Variants in COL14A1 observed in about 807,000 individuals in gnomAD.
COL14A1 encodes the protein collagen type XIV alpha 1 chain.
In COL14A1, 136 loss-of-function variants were observed where a neutral mutation model predicts 230.3. The ratio of observed to expected loss-of-function variants is 0.59; its 90% CI spans 0.51 to 0.68. The LOEUF (loss-of-function observed/expected upper bound fraction) is 0.68. Among genes scored for constraint, COL14A1 ranks in the 30% least tolerant of loss-of-function variants. The pLI is 0.00. For synonymous variants in COL14A1, 792 were observed against 784.1 expected (o/e 1.01, Z -0.17); for missense variants, 1,976 against 2,215.8 (o/e 0.89, Z 2.17).
At chr8:120,234,891 C>A (rs1042588510) in intron 19 of COL14A1, among the ~76,000 whole-genome samples, 5 of 152,142 alleles carry the variant, frequency 3.3e-5, no homozygotes, top group Non-Finnish European at 5.9e-5. Context: ...AGGAATGGTA[C>A]CAGCTCCTCT....
At chr8:120,172,149 G>GTTTA (rs747003751) in intron 5 of COL14A1, among the ~76,000 whole-genome samples, 1 of 151,642 alleles carries the variant, frequency 6.6e-6, no homozygotes, top group Non-Finnish European at 1.5e-5. Context: ...AAATTCTTTT[G>GTTTA]TTTGTTTGTT....
intron 11 of COL14A1, 35 bp downstream of exon 11, chr8:120,208,396 T>G (rs1380373732): frequency 1.9e-6 from 3 of 1,600,550 alleles, no homozygotes; most frequent in Non-Finnish European, 2.6e-6. Flanking sequence ...TCTAACTTTG[T>G]AGAGTGCTGC....
At chr8:120,219,475 C>T (rs960914253) in intron 14 of COL14A1, among the ~76,000 whole-genome samples, 13 of 152,158 alleles carry the variant, frequency 8.5e-5, no homozygotes, top group Non-Finnish European at 2.9e-5. Context: ...ATCAAGGCAC[C>T]TGCACCTGAA....
intron 2 of COL14A1, among the ~76,000 whole-genome samples, chr8:120,157,060 C>G (rs1348844687): frequency 6.6e-6 from 1 of 152,120 alleles, no homozygotes; most frequent in African/African-American, 2.4e-5. Flanking sequence ...ACGTTCTTAG[C>G]TTTTTTGAAA....
chr8:120,309,436 T>C (rs566778310), intron 36 of COL14A1, among the ~76,000 whole-genome samples: 1 of 152,248 alleles, frequency 6.6e-6, no homozygotes, highest in Non-Finnish European at 1.5e-5. Flanking sequence ...TATATACACA[T>C]ATATATACAT....
intron 21 of COL14A1, among the ~76,000 whole-genome samples, chr8:120,250,035 C>G (rs1401226304): frequency 6.6e-6 from 1 of 151,920 alleles, no homozygotes. Flanking sequence ...ATTAAAGACC[C>G]CACTAGATTG....
chr8:120,153,341 C>T (rs1392594847), intron 2 of COL14A1, among the ~76,000 whole-genome samples: 8 of 152,114 alleles, frequency 5.3e-5, no homozygotes, highest in Non-Finnish European at 1.0e-4. Context: ...TGCAACCACA[C>T]TCAACTGATT....
At chr8:120,189,266 T>C (rs987957546) in intron 5 of COL14A1, among the ~76,000 whole-genome samples, 48 of 152,176 alleles carry the variant, frequency 3.2e-4, no homozygotes, top group African/African-American at 1.1e-3. Context: ...AAATAGCCAT[T>C]AGGGTTCATT....
At chr8:120,291,682 C>T (rs1316930546) in intron 34 of COL14A1, among the ~76,000 whole-genome samples, 1 of 150,854 alleles carries the variant, frequency 6.6e-6, no homozygotes, top group African/African-American at 2.4e-5. Context: ...TTAGAAATAA[C>T]GAATATAAAA....
chr8:120,219,595 A>T (rs1156644591), intron 14 of COL14A1, among the ~76,000 whole-genome samples: 1 of 152,118 alleles, frequency 6.6e-6, no homozygotes, highest in Non-Finnish European at 1.5e-5. Context: ...ATCCCTCATG[A>T]CCTAATCATT....
intron 11 of COL14A1, among the ~76,000 whole-genome samples, chr8:120,208,621 TC>T (rs1222945558): frequency 6.6e-6 from 1 of 152,196 alleles, no homozygotes; most frequent in Non-Finnish European, 1.5e-5. Context: ...CAAAAAACAT[TC>T]ATTCATTTAT....
At chr8:120,238,661 A>G (rs966723689) in intron 19 of COL14A1, among the ~76,000 whole-genome samples, 1 of 152,102 alleles carries the variant, frequency 6.6e-6, no homozygotes, top group Non-Finnish European at 1.5e-5. Context: ...GTATGAAAAT[A>G]AACTCTTGCA....
chr8:120,168,532 T>C (rs1414874965), intron 5 of COL14A1, among the ~76,000 whole-genome samples: 6 of 152,208 alleles, frequency 3.9e-5, no homozygotes, highest in Non-Finnish European at 8.8e-5. Flanking sequence ...ACATGCCAAT[T>C]CATATAGGAG....
rs75343954 is a variant in COL14A1, at chr8:120,356,239, G to A, written c.5077+10676G>A. On this transcript the variant is annotated intron_variant, in intron 45 of 47. Coordinates refer to ENST00000297848, the MANE Select transcript of COL14A1 (RefSeq NM_021110.4). ...TCAATTGCTAAGCATGTTATGTGAT[G>A]CTCATAAAAATCTTATGAGATCAGG... Among the ~76,000 whole-genome samples, 23 of 152,354 alleles carry A rather than the reference G, an allele frequency of 1.5e-4. No individual in the cohort carries two copies. The East Asian group carries it at 4.1e-3, about 27-fold the overall frequency.
chr8:120,168,226 A>G lies in COL14A1; in HGVS notation c.415A>G (p.Ser139Gly). The G allele has an allele frequency of 6.8e-6, 11 of 1,611,528 alleles. No individual in the cohort carries two copies. Among genetic ancestry groups the G allele is most frequent in the Non-Finnish European group, 9.3e-6 (11 of 1,178,606 alleles). Residue 139 changes from serine (S) to glycine (G), a missense_variant, in exon 5 of 48, where the codon AGT becomes GGT. Ser to Gly is a moderately conservative substitution (Grantham distance 56, BLOSUM62 0). This residue lies in a region of COL14A1 where 181 missense variants were observed against 178.6 expected (regional missense o/e 1.01). Coordinates refer to ENST00000297848, the MANE Select transcript of COL14A1 (RefSeq NM_021110.4). ...CAAAGTTGTGGACAGAGGAAATGGGAGTAGACCATCTTCACCAGAAGGTCA... is the reference window on the plus strand; with the variant it reads ...CAAAGTTGTGGACAGAGGAAATGGGGGTAGACCATCTTCACCAGAAGGTCA... ...RVKVVDRGNG[S>G]RPSSPEEVKF...
intron 21 of COL14A1, among the ~76,000 whole-genome samples, chr8:120,248,901 A>G (rs1490940218): frequency 1.5e-5 from 2 of 134,982 alleles, no homozygotes; most frequent in Admixed American, 1.5e-4. Context: ...CAAAAACTCC[A>G]TTAGTTTCAA....
intron 37 of COL14A1, among the ~76,000 whole-genome samples, chr8:120,312,994 A>G (rs1420396210): frequency 2.6e-5 from 4 of 152,226 alleles, no homozygotes; most frequent in African/African-American, 9.6e-5. Context: ...GTTAAACCGC[A>G]ACAAGATCCA....
At chr8:120,367,918 T>C (rs1823459237) in intron 46 of COL14A1, among the ~76,000 whole-genome samples, 1 of 150,592 alleles carries the variant, frequency 6.6e-6, no homozygotes, top group African/African-American at 2.5e-5. Flanking sequence ...CCCTCCAGCC[T>C]GGGTGACAGA....
chr8:120,277,048 T>G (rs1280672600), intron 26 of COL14A1, among the ~76,000 whole-genome samples: 1 of 151,978 alleles, frequency 6.6e-6, no homozygotes, highest in Admixed American at 6.6e-5. Flanking sequence ...ATCATAATTC[T>G]GAAAAACAAA....
Sources: gnomAD v4.1 joint callset for allele counts (sites outside exome capture counted in the v4.1 genomes callset) on GRCh38, gnomAD v4.1.1 for gene constraint, gnomAD v4.1.1 regional missense constraint, MANE v1.5 for transcripts, NCBI Gene and HGNC (gene_info 2026-07-23, HGNC 2026-07-21) for gene names.